Variants in BCR observed in about 807,000 individuals in gnomAD.
BCR encodes the protein breakpoint cluster region protein.
Under a neutral mutation model 138.6 loss-of-function variants are expected in BCR, and 58 were observed. The observed-to-expected ratio is 0.42, with a 90% CI of 0.34 to 0.52. BCR has a LOEUF of 0.52. Ranked by LOEUF, BCR falls within the 20% of genes least tolerant of loss-of-function variation. The pLI, the probability that BCR is intolerant of heterozygous loss-of-function variation, is 0.06. For synonymous variants in BCR, 786 were observed against 730.1 expected, an observed-to-expected ratio of 1.08 and a Z score of -1.23; for missense variants, 1,599 against 1,727.2, an observed-to-expected ratio of 0.93 and a Z score of 1.32.
chr22:23,245,867 C>G (rs1302812063), intron 1 of BCR, among the ~76,000 whole-genome samples: 1 of 151,746 alleles, frequency 6.6e-6, no homozygotes, highest in African/African-American at 2.4e-5. Flanking sequence ...TTAAAGTGAA[C>G]AATTCCGTGG....
intron 1 of BCR, among the ~76,000 whole-genome samples, chr22:23,245,955 C>G (rs1054573323): frequency 6.6e-6 from 1 of 152,212 alleles, no homozygotes; most frequent in Admixed American, 6.5e-5. Context: ...CAGAAGGAAA[C>G]CCCTGCCCAT....
At chr22:23,189,276 C>T (rs983263911) in intron 1 of BCR, among the ~76,000 whole-genome samples, 3 of 152,166 alleles carry the variant, frequency 2.0e-5, no homozygotes, top group Non-Finnish European at 4.4e-5. Flanking sequence ...AGAACTTTTT[C>T]ATCTTCCCAA....
intron 1 of BCR, among the ~76,000 whole-genome samples, chr22:23,199,636 G>A (rs1175722766): frequency 2.6e-5 from 4 of 152,176 alleles, no homozygotes; most frequent in African/African-American, 7.2e-5. Context: ...TGGTAGGACT[G>A]GGGTGCCCTG....
chr22:23,271,068 T>C (rs1031347989), intron 5 of BCR, among the ~76,000 whole-genome samples: 3 of 152,234 alleles, frequency 2.0e-5, no homozygotes, highest in African/African-American at 4.8e-5. Flanking sequence ...GACGTGTGTT[T>C]AGGAGCATGC....
At chr22:23,263,403 C>A in intron 4 of BCR, 1 of 1,255,952 alleles carries the variant, frequency 8.0e-7, no homozygotes. Context: ...GACCAGTGTC[C>A]CAGTGAAGGT....
rs758755806 is a variant in BCR at position 23,290,348 on chromosome 22, C to G, written c.2717C>G (p.Ser906Cys). ...TTGATCTCTTGCGCAGATGATGAGT[C>G]TCCGGGGCTCTATGGGTTTCTGAAT... ...PLTINKEDDE[S>C]PGLYGFLNVI... The change falls in exon 14 of 23, where the codon TCT becomes TGT. Residue 906 changes from serine to cysteine, a missense_variant. By Grantham distance (112) the Ser-to-Cys change is moderately radical. Around this residue, in one of 4 missense-constraint regions of BCR, gnomAD observed 590 missense variants for 762.4 expected, o/e 0.77. Coordinates refer to ENST00000305877, the MANE Select transcript of BCR (RefSeq NM_004327.4). 7 of 1,614,046 alleles carry G rather than the reference C, an allele frequency of 4.3e-6. No individual in the cohort carries two copies. Among genetic ancestry groups the G allele is most frequent in the Middle Eastern group, 1.7e-4 (1 of 6,058 alleles).
Position 23,286,265 on chromosome 22 carries a change from A to G in BCR, c.2407-894A>G, listed in dbSNP as rs2073711195. Among the ~76,000 whole-genome samples the G allele has an allele frequency of 2.0e-5, 3 of 152,198 alleles. No individual in the cohort carries two copies. The South Asian group carries it at 6.2e-4, about 32-fold the overall frequency. On this transcript the variant is annotated intron_variant, in intron 10 of 22. Coordinates refer to ENST00000305877, the MANE Select transcript of BCR (RefSeq NM_004327.4). ...TGAAGACTGTAAAAATGGTGAGGACAAGCCCCTCAATCAAAGGTTAGCCAG... is the reference window on the plus strand; with the variant it reads ...TGAAGACTGTAAAAATGGTGAGGACGAGCCCCTCAATCAAAGGTTAGCCAG...
At chr22:23,198,736 C>T (rs751671207) in intron 1 of BCR, among the ~76,000 whole-genome samples, 2 of 152,116 alleles carry the variant, frequency 1.3e-5, no homozygotes, top group African/African-American at 2.4e-5. Context: ...CGGGCCGAAT[C>T]GTGATACCCA....
chr22:23,270,039 C>T (rs148734957), intron 5 of BCR, among the ~76,000 whole-genome samples: 3 of 152,006 alleles, frequency 2.0e-5, no homozygotes, highest in East Asian at 1.9e-4. Context: ...ACCATCAGGG[C>T]GACATGCACT....
At chr22:23,253,682 C>A in intron 1 of BCR, 117 bp from the exon 2 acceptor site, 1 of 1,232,254 alleles carries the variant, frequency 8.1e-7, no homozygotes. Flanking sequence ...TACCCGAGGT[C>A]GTTGTGAGAT....
In BCR at chr22:23,315,595, G is replaced by A. The variant is rs545967678; in HGVS notation, c.*73G>A. ...TGGCTAATCGGGCCATCCGTAGAGC[G>A]GGAACCTTCCTGAGGTGTCCTTGGG... is the stretch of plus-strand genomic sequence containing the variant. On this transcript the variant is annotated 3_prime_UTR_variant, in exon 23 of 23. Coordinates refer to ENST00000305877, the MANE Select transcript of BCR (RefSeq NM_004327.4). 47 of 1,451,648 alleles carry A rather than the reference G, an allele frequency of 3.2e-5. 2 individuals carry two copies. The highest frequency in any genetic ancestry group is 2.8e-4 in the African/African-American group (20 of 71,620). The allele number at this position is 1,451,648 out of a possible 1,614,324, so 89.9% of individuals were successfully genotyped here. A position where few individuals can be genotyped will look rare whatever the true frequency, so the allele number is the denominator to read the frequency against.
intron 5 of BCR, among the ~76,000 whole-genome samples, chr22:23,269,245 C>T (rs1402890419): frequency 6.6e-6 from 1 of 152,234 alleles, no homozygotes; most frequent in Non-Finnish European, 1.5e-5. Flanking sequence ...TTCTTTCTGC[C>T]CTTCTCCAGC....
chr22:23,309,908 C>T, intron 17 of BCR: 2 of 321,210 alleles, frequency 6.2e-6, no homozygotes, highest in East Asian at 7.2e-5. Flanking sequence ...TTACATTATT[C>T]TGTCTTTCCT....
intron 1 of BCR, among the ~76,000 whole-genome samples, chr22:23,246,917 G>T (rs2073163966): frequency 6.6e-6 from 1 of 152,068 alleles, no homozygotes; most frequent in South Asian, 2.1e-4. Context: ...CCCTTCTCGA[G>T]GGTAGAGTCT....
At chr22:23,210,279 TG>T (rs777734551) in intron 1 of BCR, among the ~76,000 whole-genome samples, 13 of 152,042 alleles carry the variant, frequency 8.6e-5, no homozygotes, top group Non-Finnish European at 2.9e-5. Context: ...TAGCTGGGCA[TG>T]GTGGCATGGA....
intron 6 of BCR, 83 bp downstream of exon 6, chr22:23,271,675 A>T: frequency 7.2e-7 from 1 of 1,381,642 alleles, no homozygotes; most frequent in Non-Finnish European, 1.0e-6. Context: ...AAAAGCAGAC[A>T]CAGTGCCCAC....
In BCR at chr22:23,181,558, A is replaced by C. The variant is rs141546043; in HGVS notation, c.598A>C (p.Ile200Leu). 3 of 1,612,886 alleles carry C rather than the reference A, an allele frequency of 1.9e-6. No individual in the cohort carries two copies. The highest frequency in any genetic ancestry group is 2.5e-6 in the Non-Finnish European group (3 of 1,180,002). Reference sequence around the variant, plus strand: ...CAACGACAAAGAGGTGTCGGACCGCATCAGCTCCCTGGGCAGCCAGGCCAT... The same window carrying C: ...CAACGACAAAGAGGTGTCGGACCGCCTCAGCTCCCTGGGCAGCCAGGCCAT... ...KVNDKEVSDRISSLGSQAMQM... is the reference protein window; with the variant it reads ...KVNDKEVSDRLSSLGSQAMQM... Residue 200 changes from isoleucine to leucine, a missense_variant, in exon 1 of 23, where the codon ATC (isoleucine) becomes CTC (leucine). Ile to Leu is a conservative substitution (Grantham distance 5). Around this residue, in one of 4 missense-constraint regions of BCR, gnomAD observed 806 missense variants for 635.0 expected, o/e 1.27. Coordinates refer to ENST00000305877, the MANE Select transcript of BCR (RefSeq NM_004327.4).
At position 23,281,331 on chromosome 22, in the gene BCR, C is replaced by T. The variant is rs370086350; in HGVS notation, c.2116-2646C>T. Among the ~76,000 whole-genome samples, 87 of 152,346 alleles carry T rather than the reference C, an allele frequency of 5.7e-4. 1 individual carries two copies. The highest frequency in any genetic ancestry group is 1.9e-3 in the South Asian group (9 of 4,826). ...GGTTTCCAGCCACGTGGCCTTATGC[C>T]GGCTTTGGGATGCAGTCAGGATTGT... On this transcript the variant is annotated intron_variant, in intron 8 of 22. Coordinates refer to ENST00000305877, the MANE Select transcript of BCR (RefSeq NM_004327.4).
chr22:23,262,165 G>A (rs1324580964), intron 4 of BCR: 1 of 152,298 alleles, frequency 6.6e-6, no homozygotes, highest in Non-Finnish European at 1.5e-5. Flanking sequence ...CCCTAAAGCA[G>A]GCTTCCTCCG....
Sources: allele counts gnomAD v4.1 joint callset (sites outside exome capture counted in the v4.1 genomes callset), GRCh38; gene constraint gnomAD v4.1.1; regional missense constraint gnomAD v4.1.1; transcripts MANE v1.5; gene names NCBI Gene and HGNC (gene_info 2026-07-23, HGNC 2026-07-21).